Variants in NDST3 observed in about 807,000 individuals in gnomAD.
NDST3 encodes bifunctional heparan sulfate N-deacetylase/N-sulfotransferase 3.
In NDST3, 58 loss-of-function variants were observed where a neutral mutation model predicts 96.1. The observed-to-expected ratio is 0.60, with a 90% CI of 0.49 to 0.75. NDST3 has a LOEUF of 0.75. Ranked by LOEUF, NDST3 falls within the 30% of genes least tolerant of loss-of-function variation. The probability of loss-of-function intolerance (pLI) is 0.00; values close to 1 mark genes in which losing one functional copy is unlikely to be tolerated. For missense variants in NDST3, 788 were observed against 1,034.2 expected (o/e 0.76, Z 3.27); for synonymous variants, 333 against 359.7 (o/e 0.93, Z 0.84).
At chr4:118,085,287 C>T (rs1470071842) in intron 2 of NDST3, among the ~76,000 whole-genome samples, 6 of 152,114 alleles carry the variant, frequency 3.9e-5, no homozygotes, top group Non-Finnish European at 4.4e-5. Context: ...CTCAAAAATG[C>T]TCCACATCAA....
Position 118,255,692 on chromosome 4 carries a change from G to A in NDST3, c.2602G>A (p.Glu868Lys). The A allele has an allele frequency of 6.2e-7, 1 of 1,613,186 alleles. No individual in the cohort carries two copies. The highest frequency in any genetic ancestry group is 1.1e-5 in the South Asian group (1 of 90,916). ...GCCTCTGCCATCCTGGCTGAGACAG[G>A]AGCTGCAGAAAGTAAGATAGCACTG... ...GQPLPSWLRQ[E>K]LQKVR is the part of the protein sequence containing the mutation. The change falls in exon 14 of 14, where the codon GAG becomes AAG. Residue 868 changes from glutamate to lysine, a missense_variant. Physicochemically the swap from Glu to Lys is moderately conservative, Grantham distance 56. Around this residue, in one of 3 missense-constraint regions of NDST3, gnomAD observed 64 missense variants for 68.5 expected, o/e 0.93. Transcript: ENST00000296499.
chr4:118,066,234 T>TATACATA, intron 2 of NDST3, among the ~76,000 whole-genome samples: 1 of 52,912 alleles, frequency 1.9e-5, no homozygotes, highest in African/African-American at 7.8e-5. Context: ...TTATATATAT[T>TATACATA]ATATATTATA....
At chr4:118,107,424 T>C (rs1347248019) in intron 3 of NDST3, among the ~76,000 whole-genome samples, 1 of 152,130 alleles carries the variant, frequency 6.6e-6, no homozygotes, top group Non-Finnish European at 1.5e-5. Flanking sequence ...GGTATACTCA[T>C]ATAATGGAAT....
rs576922815 is a variant in NDST3, at chr4:118,117,804, C to T, written c.1224+2844C>T. 2.6e-5 allele frequency among the ~76,000 whole-genome samples: 4 copies of T among 152,316 alleles called. No homozygotes were observed. The East Asian group carries it at 7.7e-4, about 29-fold the overall frequency. Reference sequence around the variant, plus strand: ...GCATAAAGTGTGCCCCCTGCCGAGGCTTCCTCCCTAGCCTCCCAACCCAAT... The same window carrying T: ...GCATAAAGTGTGCCCCCTGCCGAGGTTTCCTCCCTAGCCTCCCAACCCAAT... On this transcript the variant is annotated intron_variant, in intron 4 of 13. Transcript: ENST00000296499.
At chr4:118,213,401 T>G (rs1342696598) in intron 6 of NDST3, among the ~76,000 whole-genome samples, 1 of 152,170 alleles carries the variant, frequency 6.6e-6, no homozygotes, top group Non-Finnish European at 1.5e-5. Flanking sequence ...CATCCACTTC[T>G]AAAAATTTTT....
chr4:118,081,229 A>G (rs1163570069), intron 2 of NDST3, among the ~76,000 whole-genome samples: 1 of 152,180 alleles, frequency 6.6e-6, no homozygotes, highest in Admixed American at 6.5e-5. Flanking sequence ...TCGAGAACCC[A>G]TATCTTTTAT....
intron 2 of NDST3, among the ~76,000 whole-genome samples, chr4:118,088,944 G>A (rs1340154361): frequency 6.6e-6 from 1 of 151,842 alleles, no homozygotes; most frequent in African/African-American, 2.4e-5. Context: ...AAAATTGTAG[G>A]TTTCTAGGTC....
intron 1 of NDST3, among the ~76,000 whole-genome samples, chr4:118,046,686 C>T (rs1044932828): frequency 6.6e-6 from 1 of 152,090 alleles, no homozygotes; most frequent in Non-Finnish European, 1.5e-5. Flanking sequence ...GGATGGAGCC[C>T]CAATTCCATC....
intron 6 of NDST3, among the ~76,000 whole-genome samples, chr4:118,187,391 C>T (rs2125960224): frequency 6.6e-6 from 1 of 152,288 alleles, no homozygotes; most frequent in Middle Eastern, 3.4e-3. Flanking sequence ...AGCGATCTAA[C>T]AAATGATATC....
chr4:118,042,291 T>A (rs1375304301), intron 1 of NDST3, among the ~76,000 whole-genome samples: 1 of 151,972 alleles, frequency 6.6e-6, no homozygotes, highest in Non-Finnish European at 1.5e-5. Flanking sequence ...AGTAAGCATG[T>A]TTTTTTTCTT....
At chr4:118,201,306 T>C (rs1289861894) in intron 6 of NDST3, among the ~76,000 whole-genome samples, 3 of 152,252 alleles carry the variant, frequency 2.0e-5, no homozygotes, top group Non-Finnish European at 4.4e-5. Context: ...AACCTAGTAA[T>C]GGTATGGCTG....
intron 4 of NDST3, among the ~76,000 whole-genome samples, chr4:118,136,141 CTT>C (rs1359285939): frequency 6.6e-6 from 1 of 152,118 alleles, no homozygotes; most frequent in Admixed American, 6.6e-5. Flanking sequence ...TAACATAGCT[CTT>C]GTCATTGTGT....
chr4:118,211,738 C>T (rs907633830), intron 6 of NDST3, among the ~76,000 whole-genome samples: 7 of 152,116 alleles, frequency 4.6e-5, no homozygotes, highest in African/African-American at 4.8e-5. Flanking sequence ...CTTTTTAAGG[C>T]GCTTGGACTT....
At chr4:118,064,043 G>A (rs1726109730) in intron 2 of NDST3, among the ~76,000 whole-genome samples, 3 of 152,176 alleles carry the variant, frequency 2.0e-5, no homozygotes, top group South Asian at 4.1e-4. Flanking sequence ...ACAAAAATTA[G>A]TATTAGTCAC....
chr4:118,064,918 C>T (rs1726185751), intron 2 of NDST3, among the ~76,000 whole-genome samples: 1 of 152,092 alleles, frequency 6.6e-6, no homozygotes, highest in South Asian at 2.1e-4. Context: ...CTCATATTCC[C>T]TTCCTTCATC....
intron 6 of NDST3, among the ~76,000 whole-genome samples, chr4:118,170,466 T>C (rs1303270079): frequency 6.6e-6 from 1 of 152,174 alleles, no homozygotes. Flanking sequence ...CCCAGCACTT[T>C]GGGAGGCAGA....
At chr4:118,091,229 A>C (rs967591178) in intron 2 of NDST3, among the ~76,000 whole-genome samples, 3 of 151,750 alleles carry the variant, frequency 2.0e-5, no homozygotes, top group African/African-American at 7.3e-5. Flanking sequence ...TTTGTACCCC[A>C]TAGCCCCACA....
chr4:118,058,245 AT>A (rs1042323803), intron 2 of NDST3, among the ~76,000 whole-genome samples: 50 of 151,756 alleles, frequency 3.3e-4, no homozygotes, highest in African/African-American at 1.2e-3. Context: ...CATGGATGTT[AT>A]TTTTTTTCTT....
At chr4:118,161,439 G>A (rs890992160) in intron 6 of NDST3, among the ~76,000 whole-genome samples, 1 of 152,204 alleles carries the variant, frequency 6.6e-6, no homozygotes, top group Admixed American at 6.5e-5. Context: ...AGAGGTTACT[G>A]CTGTCTTTTT....
Sources: allele counts gnomAD v4.1 joint callset (sites outside exome capture counted in the v4.1 genomes callset), GRCh38; gene constraint gnomAD v4.1.1; regional missense constraint gnomAD v4.1.1; transcripts MANE v1.5; gene names NCBI Gene and HGNC (gene_info 2026-07-23, HGNC 2026-07-21).